DLGAP1: variants seen among roughly 807,000 people sequenced by gnomAD.
The protein encoded by DLGAP1 is DLG associated protein 1.
A neutral mutation model predicts 90.8 loss-of-function variants in DLGAP1; 11 were observed. The ratio of observed to expected loss-of-function variants is 0.12; its 90% CI spans 0.08 to 0.20. The LOEUF (loss-of-function observed/expected upper bound fraction) is 0.20. Ranked by LOEUF, DLGAP1 falls within the 10% of genes least tolerant of loss-of-function variation. The pLI, the probability that DLGAP1 is intolerant of heterozygous loss-of-function variation, is 1.00. For missense variants in DLGAP1, 1,050 were observed against 1,333.8 expected, an observed-to-expected ratio of 0.79 and a Z score of 3.31; for synonymous variants, 558 against 540.7, an observed-to-expected ratio of 1.03 and a Z score of -0.44.
chr18:4,094,490 T>C (rs1463392645), intron 2 of DLGAP1, among the ~76,000 whole-genome samples: 2 of 152,248 alleles, frequency 1.3e-5, no homozygotes, highest in Non-Finnish European at 2.9e-5. Context: ...TCCTATATCA[T>C]GTATATTGTT....
intron 3 of DLGAP1, chr18:3,977,974 G>T: frequency 5.5e-6 from 2 of 362,316 alleles, no homozygotes; most frequent in South Asian, 4.4e-5. Context: ...GCTCCAGGAT[G>T]ACTTTGCCTA....
At chr18:4,207,259 A>G (rs1438325747) in intron 1 of DLGAP1, among the ~76,000 whole-genome samples, 4 of 152,160 alleles carry the variant, frequency 2.6e-5, no homozygotes, top group African/African-American at 4.8e-5. Context: ...CATCCCTCAC[A>G]TGGTGGCAGG....
rs543312660 is a variant in DLGAP1 at position 3,799,254 on chromosome 18, T to C, written c.1172+14805A>G. On this transcript the variant is annotated intron_variant, in intron 5 of 12. Coordinates refer to ENST00000315677, the MANE Select transcript of DLGAP1 (RefSeq NM_004746.4). ...GGCTGCAAATTTGTAAAGTCCAGAT[T>C]TGTACACTGTTCTGCCTTCTCTTAT... Among the ~76,000 whole-genome samples the C allele has an allele frequency of 4.6e-5, 7 of 152,286 alleles. 1 individual carries two copies. The South Asian group carries it at 1.5e-3, about 32-fold the overall frequency.
intron 10 of DLGAP1, among the ~76,000 whole-genome samples, chr18:3,520,439 T>C (rs1274269444): frequency 6.6e-6 from 1 of 152,228 alleles, no homozygotes; most frequent in Non-Finnish European, 1.5e-5. Context: ...TCCTAAAATT[T>C]ACATGTAGAA....
intron 10 of DLGAP1, among the ~76,000 whole-genome samples, chr18:3,527,412 T>TTTTTG (rs2051705520): frequency 8.9e-4 from 2 of 2,258 alleles, no homozygotes; most frequent in Non-Finnish European, 3.2e-3. Context: ...TTTCCAAACT[T>TTTTTG]TTTTTTTTTT....
chr18:3,735,637 C>A (rs1364966348), intron 6 of DLGAP1, among the ~76,000 whole-genome samples: 1 of 152,186 alleles, frequency 6.6e-6, no homozygotes, highest in Non-Finnish European at 1.5e-5. Context: ...GTTAGTCCAA[C>A]TCTCTGAGAC....
intron 7 of DLGAP1, among the ~76,000 whole-genome samples, chr18:3,600,775 G>GAT (rs74173792): frequency 6.3e-4 from 7 of 11,112 alleles, no homozygotes; most frequent in African/African-American, 1.9e-3. Flanking sequence ...GATATATATA[G>GAT]ATATATAGAT....
At chr18:3,773,158 C>T (rs1464138020) in intron 5 of DLGAP1, among the ~76,000 whole-genome samples, 2 of 151,506 alleles carry the variant, frequency 1.3e-5, no homozygotes, top group Non-Finnish European at 2.9e-5. Context: ...ACAAGGAACT[C>T]GTGGGAACTG....
intron 1 of DLGAP1, among the ~76,000 whole-genome samples, chr18:4,397,468 A>G (rs1202570047): frequency 6.6e-6 from 1 of 152,204 alleles, no homozygotes; most frequent in African/African-American, 2.4e-5. Flanking sequence ...CTTGGATCCT[A>G]TGTTCATCTT....
intron 3 of DLGAP1, among the ~76,000 whole-genome samples, chr18:3,933,951 C>T (rs1428344467): frequency 6.6e-6 from 1 of 152,054 alleles, no homozygotes; most frequent in Non-Finnish European, 1.5e-5. Context: ...AATGAGGTGC[C>T]GAGTCTGGGG....
intron 7 of DLGAP1, among the ~76,000 whole-genome samples, chr18:3,600,242 T>C (rs904319749): frequency 6.6e-6 from 1 of 152,098 alleles, no homozygotes; most frequent in African/African-American, 2.4e-5. Flanking sequence ...TCAGAAACAT[T>C]CTTTTTTCTT....
chr18:4,284,488 GAGACAGTT>G (rs2079634256), intron 1 of DLGAP1, among the ~76,000 whole-genome samples: 1 of 152,186 alleles, frequency 6.6e-6, no homozygotes, highest in African/African-American at 2.4e-5. Context: ...AGCCTGTGAG[GAGACAGTT>G]GTGGTTTCTA....
intron 5 of DLGAP1, among the ~76,000 whole-genome samples, chr18:3,807,533 G>C (rs1046737389): frequency 6.6e-6 from 1 of 152,088 alleles, no homozygotes; most frequent in African/African-American, 2.4e-5. Flanking sequence ...TGTAAAGCCC[G>C]TAGCACTCAG....
intron 3 of DLGAP1, among the ~76,000 whole-genome samples, chr18:3,934,738 C>T (rs753134202): frequency 2.6e-5 from 4 of 152,160 alleles, no homozygotes; most frequent in Non-Finnish European, 2.9e-5. Flanking sequence ...GACTGACCAA[C>T]GAGGCATAGC....
intron 1 of DLGAP1, among the ~76,000 whole-genome samples, chr18:4,195,671 C>A (rs2077483560): frequency 6.6e-6 from 1 of 152,222 alleles, no homozygotes; most frequent in Admixed American, 6.5e-5. Context: ...CCTGCCTCAG[C>A]CTCCTGAGTA....
chr18:4,044,523 A>G (rs2075020201), intron 2 of DLGAP1, among the ~76,000 whole-genome samples: 1 of 152,060 alleles, frequency 6.6e-6, no homozygotes, highest in Admixed American at 6.5e-5. Flanking sequence ...CAGGTGGACC[A>G]TGAGGTCAGG....
intron 1 of DLGAP1, among the ~76,000 whole-genome samples, chr18:4,230,839 A>G (rs996378047): frequency 7.3e-5 from 11 of 151,640 alleles, no homozygotes; most frequent in Admixed American, 6.6e-4. Context: ...CCCTGATGTG[A>G]TTATTACTCA....
chr18:3,922,913 T>C (rs929764472), intron 3 of DLGAP1, among the ~76,000 whole-genome samples: 7 of 152,014 alleles, frequency 4.6e-5, no homozygotes, highest in Non-Finnish European at 8.8e-5. Context: ...GGGGAGGATC[T>C]CTTGAGGTCA....
intron 2 of DLGAP1, among the ~76,000 whole-genome samples, chr18:4,058,694 T>C (rs1426704020): frequency 6.6e-6 from 1 of 152,218 alleles, no homozygotes; most frequent in Non-Finnish European, 1.5e-5. Flanking sequence ...TCCATGAGTA[T>C]TCCTCTTGTT....
Sources: gnomAD v4.1 joint callset for allele counts (sites outside exome capture counted in the v4.1 genomes callset) on GRCh38, gnomAD v4.1.1 for gene constraint, MANE v1.5 for transcripts, NCBI Gene and HGNC (gene_info 2026-07-23, HGNC 2026-07-21) for gene names.